Variants in ZFAND3 observed in about 807,000 individuals in gnomAD.
The protein encoded by ZFAND3 is AN1-type zinc finger protein 3.
Under a neutral mutation model 29.6 loss-of-function variants are expected in ZFAND3, and 10 were observed. That is an observed-to-expected ratio of 0.34 (90% confidence interval 0.21 to 0.57). The LOEUF (loss-of-function observed/expected upper bound fraction) is 0.57. Among genes scored for constraint, ZFAND3 ranks in the 20% least tolerant of loss-of-function variants. The pLI is 0.86. For missense variants in ZFAND3, 230 were observed against 304.5 expected, an observed-to-expected ratio of 0.76 and a Z score of 1.82; for synonymous variants, 128 against 112.6, an observed-to-expected ratio of 1.14 and a Z score of -0.87.
intron 5 of ZFAND3, among the ~76,000 whole-genome samples, chr6:38,145,050 G>A (rs1293739454): frequency 6.6e-6 from 1 of 152,192 alleles, no homozygotes; most frequent in African/African-American, 2.4e-5. Flanking sequence ...GGAAATGCTG[G>A]CCTGTAGGGT....
At chr6:37,866,156 G>A (rs951258708) in intron 1 of ZFAND3, among the ~76,000 whole-genome samples, 1 of 152,176 alleles carries the variant, frequency 6.6e-6, no homozygotes, top group Non-Finnish European at 1.5e-5. Context: ...CCTGGAGATA[G>A]TAGGAGCTCT....
rs59448343 is a variant in ZFAND3 at position 37,846,704 on chromosome 6, AT to A, written c.71+26701del. ...GGCAATCCTATAATTTATACTTGTGATTTTTTTTTTTTTGTTTTTTTTTTTG... is the reference window on the plus strand; with the variant it reads ...GGCAATCCTATAATTTATACTTGTGATTTTTTTTTTTTGTTTTTTTTTTTG... On this transcript the variant is annotated intron_variant, in intron 1 of 5. Transcript: ENST00000287218. Among the ~76,000 whole-genome samples, 1,058 of 140,798 alleles carry A rather than the reference AT, an allele frequency of 7.5e-3. 2 individuals are homozygous for A. The highest frequency in any genetic ancestry group is 0.019 in the African/African-American group (736 of 38,386). The allele number at this position is 140,798 out of a possible 152,430, so 92.4% of individuals were successfully genotyped here.
chr6:37,873,741 T>C (rs1581725525), intron 1 of ZFAND3, among the ~76,000 whole-genome samples: 1 of 152,212 alleles, frequency 6.6e-6, no homozygotes. Flanking sequence ...TGGCACACTT[T>C]TCTGGAAAGT....
intron 2 of ZFAND3, among the ~76,000 whole-genome samples, chr6:37,980,725 C>G (rs181427907): frequency 4.6e-4 from 70 of 151,894 alleles, no homozygotes; most frequent in Non-Finnish European, 8.4e-4. Context: ...ATGAATTTGT[C>G]AAGAGTTTTA....
intron 1 of ZFAND3, among the ~76,000 whole-genome samples, chr6:37,879,780 C>T (rs182884688): frequency 2.6e-5 from 4 of 152,212 alleles, no homozygotes; most frequent in Non-Finnish European, 5.9e-5. Context: ...TACTGAATAA[C>T]ACTTGAAACC....
At chr6:37,926,525 CTCTCTT>C (rs1561936573) in intron 1 of ZFAND3, among the ~76,000 whole-genome samples, 1 of 152,190 alleles carries the variant, frequency 6.6e-6, no homozygotes, top group Non-Finnish European at 1.5e-5. Context: ...CTTTGCCTCT[CTCTCTT>C]GTGATGTCAT....
chr6:37,990,922 G>A (rs1762748126), intron 2 of ZFAND3, among the ~76,000 whole-genome samples: 1 of 152,134 alleles, frequency 6.6e-6, no homozygotes, highest in African/African-American at 2.4e-5. Context: ...TTTAGTTAAT[G>A]CACAAAGAAT....
intron 3 of ZFAND3, among the ~76,000 whole-genome samples, chr6:38,080,028 G>A (rs1764629971): frequency 6.7e-6 from 1 of 149,506 alleles, no homozygotes; most frequent in Non-Finnish European, 1.5e-5. Context: ...TCTCTCAAAT[G>A]TTACACCCTA....
chr6:37,933,918 G>A (rs536557232), intron 2 of ZFAND3, among the ~76,000 whole-genome samples: 37 of 117,262 alleles, frequency 3.2e-4, no homozygotes, highest in Middle Eastern at 7.0e-3. Flanking sequence ...ACGGAGTTTC[G>A]CCCTTGTTGC....
chr6:38,028,117 A>G (rs955524935), intron 2 of ZFAND3, among the ~76,000 whole-genome samples: 1 of 152,228 alleles, frequency 6.6e-6, no homozygotes, highest in Admixed American at 6.5e-5. Context: ...CCCTTCAGCC[A>G]GTATCCTAGA....
chr6:38,069,167 G>A (rs1764405033), intron 3 of ZFAND3, among the ~76,000 whole-genome samples: 2 of 152,156 alleles, frequency 1.3e-5, no homozygotes, highest in Admixed American at 1.3e-4. Context: ...AATGAAACCA[G>A]TGTTCCCTTT....
At chr6:37,825,559 A>G (rs1041229496) in intron 1 of ZFAND3, among the ~76,000 whole-genome samples, 8 of 152,106 alleles carry the variant, frequency 5.3e-5, no homozygotes, top group South Asian at 2.1e-4. Context: ...TCTTCTTTCT[A>G]TTGGTTTGAG....
intron 1 of ZFAND3, among the ~76,000 whole-genome samples, chr6:37,858,083 G>A (rs183985616): frequency 1.3e-5 from 2 of 152,282 alleles, no homozygotes; most frequent in Admixed American, 1.3e-4. Context: ...TGCCCTCTCT[G>A]TGCCATAGTG....
chr6:37,917,268 G>A (rs185268389), intron 1 of ZFAND3, among the ~76,000 whole-genome samples: 10 of 152,098 alleles, frequency 6.6e-5, no homozygotes, highest in African/African-American at 2.4e-4. Context: ...AATGTTAGCG[G>A]TCATTGGTCT....
At chr6:37,906,671 C>T (rs1379264001) in intron 1 of ZFAND3, among the ~76,000 whole-genome samples, 2 of 150,464 alleles carry the variant, frequency 1.3e-5, no homozygotes, top group Non-Finnish European at 3.0e-5. Flanking sequence ...GTTCCAGTTT[C>T]TCCACATACT....
intron 2 of ZFAND3, among the ~76,000 whole-genome samples, chr6:37,978,078 G>C (rs1475442882): frequency 2.0e-5 from 3 of 151,908 alleles, no homozygotes; most frequent in Non-Finnish European, 4.4e-5. Flanking sequence ...GATTACAGGT[G>C]CCCACCTCTA....
intron 1 of ZFAND3, among the ~76,000 whole-genome samples, chr6:37,906,827 T>A (rs1419404375): frequency 6.6e-6 from 1 of 152,170 alleles, no homozygotes; most frequent in African/African-American, 2.4e-5. Context: ...GTATATCTTC[T>A]TTGAAGAAAT....
chr6:37,988,758 C>T (rs911834516), intron 2 of ZFAND3, among the ~76,000 whole-genome samples: 1 of 152,140 alleles, frequency 6.6e-6, no homozygotes, highest in Non-Finnish European at 1.5e-5. Flanking sequence ...TCCTCCTTTC[C>T]TCCCTCCTTC....
chr6:37,891,670 T>G (rs1185565586), intron 1 of ZFAND3, among the ~76,000 whole-genome samples: 1 of 152,202 alleles, frequency 6.6e-6, no homozygotes, highest in Non-Finnish European at 1.5e-5. Context: ...TAACACTGTT[T>G]AAGCAGCTAG....
Sources: gnomAD v4.1 joint callset for allele counts (sites outside exome capture counted in the v4.1 genomes callset) on GRCh38, gnomAD v4.1.1 for gene constraint, MANE v1.5 for transcripts, NCBI Gene and HGNC (gene_info 2026-07-23, HGNC 2026-07-21) for gene names.